Variants in NHSL2 observed in about 807,000 individuals in gnomAD.
The protein encoded by NHSL2 is NHS like 2, also known as NHS-like protein 2.
In NHSL2, 27 loss-of-function variants were observed where a neutral mutation model predicts 53.4. The ratio of observed to expected loss-of-function variants is 0.51; its 90% CI spans 0.37 to 0.70. The LOEUF (loss-of-function observed/expected upper bound fraction) is 0.70. Ranked by LOEUF, NHSL2 falls within the 30% of genes least tolerant of loss-of-function variation. The pLI is 0.00. For missense variants in NHSL2, 892 were observed against 980.1 expected (o/e 0.91, Z 1.20); for synonymous variants, 408 against 404.1 (o/e 1.01, Z -0.12).
At position 72,150,836 on chromosome X, in the gene NHSL2, G is replaced by T. The variant is rs1263317767; in HGVS notation, c.*7262G>T. Reference sequence around the variant, plus strand: ...GTTTCTCTTTTCGAGGATGCTTAGAGGCTTCTCACCAGAGATTGGTGAGGT... The same window carrying T: ...GTTTCTCTTTTCGAGGATGCTTAGATGCTTCTCACCAGAGATTGGTGAGGT... On this transcript the variant is annotated 3_prime_UTR_variant, in exon 8 of 8. Transcript: ENST00000633930. The T allele has an allele frequency of 1.8e-5, 2 of 112,005 alleles. No homozygotes were observed. The highest frequency in any genetic ancestry group is 6.5e-5 in the African/African-American group (2 of 30,793). The allele number at this position is 112,005 out of a possible 1,213,427, so 9.2% of individuals were successfully genotyped here.
At chrX:71,977,486 A>G (rs1284141857) in intron 1 of NHSL2, among the ~76,000 whole-genome samples, 1 of 107,083 alleles carries the variant, frequency 9.3e-6, no homozygotes, top group Non-Finnish European at 1.9e-5. Flanking sequence ...CAGTGGCACA[A>G]TCTTGACTTA....
At chrX:71,983,725 G>T (rs1420030036) in intron 1 of NHSL2, among the ~76,000 whole-genome samples, 1 of 112,254 alleles carries the variant, frequency 8.9e-6, no homozygotes, top group African/African-American at 3.2e-5. Flanking sequence ...AGCTTAACAA[G>T]GGGTGGATTA....
chrX:71,942,972 C>CTGTGTGTGTGTGTGTGTGTGTG (rs58935869), intron 1 of NHSL2, among the ~76,000 whole-genome samples: 3 of 74,025 alleles, frequency 4.1e-5, no homozygotes, highest in African/African-American at 1.6e-4. Context: ...CTCTCTCTCT[C>CTGTGTGTGTGTGTGTGTGTGTG]TGTGTGTGTG....
Position 72,073,184 on chromosome X carries a change from CTG to C in NHSL2, c.281-58892_281-58891del, listed in dbSNP as rs918452929. 7.2e-5 allele frequency among the ~76,000 whole-genome samples: 8 copies of C among 111,808 alleles called. No homozygotes were observed. In the Admixed American group the frequency reaches 7.5e-4, roughly 11 times the overall value. On this transcript the variant is annotated intron_variant, in intron 1 of 7. Transcript: ENST00000633930. Reference sequence around the variant, plus strand: ...AAGTAAGCCCCACAGGTTTAGGAGACTGTGGAGGAGCAGCCAGGCTGAGCTGC... The same window carrying C: ...AAGTAAGCCCCACAGGTTTAGGAGACTGGAGGAGCAGCCAGGCTGAGCTGC...
intron 1 of NHSL2, among the ~76,000 whole-genome samples, chrX:72,002,774 T>G (rs775859702): frequency 8.9e-6 from 1 of 112,205 alleles, no homozygotes; most frequent in South Asian, 3.8e-4. Flanking sequence ...CTCTGAGACT[T>G]AATTTGGTTT....
At chrX:72,041,930 C>T (rs1261135013) in intron 1 of NHSL2, among the ~76,000 whole-genome samples, 4 of 112,080 alleles carry the variant, frequency 3.6e-5, no homozygotes, top group East Asian at 5.6e-4. Flanking sequence ...TGAGGTCGTG[C>T]GCTCGGGAGC....
intron 1 of NHSL2, among the ~76,000 whole-genome samples, chrX:71,967,341 C>T (rs754838298): frequency 8.1e-5 from 9 of 111,077 alleles, no homozygotes; most frequent in Non-Finnish European, 1.5e-4. Context: ...GGGTTTAGTT[C>T]GCTTTTTCTT....
intron 1 of NHSL2, among the ~76,000 whole-genome samples, chrX:72,065,254 A>G (rs1490166078): frequency 1.8e-5 from 2 of 111,821 alleles, no homozygotes; most frequent in Non-Finnish European, 3.8e-5. Flanking sequence ...GAATGGGCAG[A>G]CACTAACTGA....
intron 1 of NHSL2, among the ~76,000 whole-genome samples, chrX:72,124,399 G>A (rs1029264241): frequency 3.6e-5 from 4 of 111,725 alleles, no homozygotes; most frequent in Non-Finnish European, 7.5e-5. Context: ...CGTCACGCAT[G>A]CTATGTTTCT....
At chrX:72,123,900 G>A (rs1252834357) in intron 1 of NHSL2, among the ~76,000 whole-genome samples, 1 of 111,443 alleles carries the variant, frequency 9.0e-6, no homozygotes, top group Non-Finnish European at 1.9e-5. Flanking sequence ...GCAGGAAGGG[G>A]AGAGGGGACA....
At chrX:71,988,214 T>C (rs2042011403) in intron 1 of NHSL2, among the ~76,000 whole-genome samples, 1 of 111,450 alleles carries the variant, frequency 9.0e-6, no homozygotes, top group African/African-American at 3.3e-5. Flanking sequence ...AAGTTCAGGT[T>C]TTGTTGAAGG....
intron 1 of NHSL2, among the ~76,000 whole-genome samples, chrX:71,939,226 A>C (rs775483943): frequency 1.6e-4 from 18 of 111,837 alleles, no homozygotes; most frequent in Non-Finnish European, 3.0e-4. Flanking sequence ...ATCGGAGCCT[A>C]GAGAGGCAGG....
chrX:72,067,461 C>T, intron 1 of NHSL2, among the ~76,000 whole-genome samples: 1 of 111,707 alleles, frequency 9.0e-6, no homozygotes, highest in Non-Finnish European at 1.9e-5. Flanking sequence ...CCTGTCTTTT[C>T]TAGCCTCTCT....
At chrX:71,963,313 G>A (rs941316904) in intron 1 of NHSL2, among the ~76,000 whole-genome samples, 4 of 110,488 alleles carry the variant, frequency 3.6e-5, no homozygotes, top group Middle Eastern at 4.7e-3. Context: ...AAAAATCAAA[G>A]TGCTATGATA....
At chrX:71,931,269 T>C (rs1027025722) in intron 1 of NHSL2, among the ~76,000 whole-genome samples, 3 of 112,509 alleles carry the variant, frequency 2.7e-5, no homozygotes, top group Non-Finnish European at 5.6e-5. Context: ...TATTAATCCC[T>C]GGTCAGGTAT....
At chrX:72,004,626 G>C (rs1160261598) in intron 1 of NHSL2, among the ~76,000 whole-genome samples, 1 of 110,856 alleles carries the variant, frequency 9.0e-6, no homozygotes, top group Non-Finnish European at 1.9e-5. Context: ...CTGCAATTCA[G>C]GCCATGTGGT....
At chrX:72,074,442 T>C (rs2041724680) in intron 1 of NHSL2, among the ~76,000 whole-genome samples, 4 of 112,124 alleles carry the variant, frequency 3.6e-5, no homozygotes, top group South Asian at 7.4e-4. Context: ...TTGGAAGGTA[T>C]GGAAGAAGTT....
At chrX:72,034,983 C>T (rs2042234120) in intron 1 of NHSL2, among the ~76,000 whole-genome samples, 1 of 111,791 alleles carries the variant, frequency 8.9e-6, no homozygotes, top group African/African-American at 3.2e-5. Context: ...TATTATTATA[C>T]ATTCTTATAG....
intron 1 of NHSL2, among the ~76,000 whole-genome samples, chrX:72,073,244 A>G: frequency 9.0e-6 from 1 of 110,879 alleles, no homozygotes; most frequent in South Asian, 3.8e-4. Flanking sequence ...CCAGCCACAC[A>G]GCCAGTAAGG....
Sources: allele counts gnomAD v4.1 joint callset (sites outside exome capture counted in the v4.1 genomes callset), GRCh38; gene constraint gnomAD v4.1.1; transcripts MANE v1.5; gene names NCBI Gene and HGNC (gene_info 2026-07-23, HGNC 2026-07-21).